The following TRIM72 variants were observed in gnomAD, a reference collection of about 807,000 sequenced individuals.
The protein encoded by TRIM72 is tripartite motif-containing protein 72.
In TRIM72, 33 loss-of-function variants were observed where a neutral mutation model predicts 31.6. The ratio of observed to expected loss-of-function variants is 1.04; its 90% confidence interval spans 0.79 to 1.40. The LOEUF (loss-of-function observed/expected upper bound fraction) is 1.40. Among genes scored for constraint, TRIM72 ranks in the 40% most tolerant of loss-of-function variants. The pLI is 0.00. For synonymous variants in TRIM72, 301 were observed against 314.4 expected, an observed-to-expected ratio of 0.96 and a Z score of 0.45; for missense variants, 666 against 682.7, an observed-to-expected ratio of 0.98 and a Z score of 0.27.
chr16:31,214,874 G>C lies in TRIM72; in HGVS notation c.136G>C (p.Ala46Pro). ...ACLGRVAGEPAADGTVLCPCC... is the reference protein window; with the variant it reads ...ACLGRVAGEPPADGTVLCPCC... The stretch of plus-strand genomic sequence containing the variant: ...CCTAGGCCGCGTGGCCGGGGAGCCG[G>C]CGGCGGATGGCACCGTTCTCTGCCC... The change falls in exon 2 of 7, where the codon GCG becomes CCG. Residue 46 changes from alanine to proline, a missense_variant. Physicochemically the swap from Ala to Pro is conservative, Grantham distance 27. Transcript: ENST00000322122. 1 of 1,529,734 alleles carries C rather than the reference G, an allele frequency of 6.5e-7. No homozygotes were observed. Among genetic ancestry groups the C allele is most frequent in the South Asian group, 1.2e-5 (1 of 83,946 alleles). The allele number at this position is 1,529,734 out of a possible 1,614,324, so 94.8% of individuals were successfully genotyped here.
intron 6 of TRIM72, 109 bp from the exon 7 acceptor site, chr16:31,224,072 G>GCAGAGATGCC: frequency 7.7e-7 from 1 of 1,303,106 alleles, no homozygotes; most frequent in East Asian, 2.6e-5. Context: ...AGCCCAGTGA[G>GCAGAGATGCC]CAGAGATGCC....
At position 31,231,335 on chromosome 16, in the gene TRIM72, T is replaced by C. The variant is rs528121088; in HGVS notation, c.*6580T>C. 1 of 152,062 alleles carries C rather than the reference T, an allele frequency of 6.6e-6. No individual in the cohort carries two copies. 9.4% of individuals were successfully genotyped at this position (152,062 alleles called of 1,614,324 possible). A position where few individuals can be genotyped will look rare whatever the true frequency, so the allele number is the denominator to read the frequency against. On this transcript the variant is annotated 3_prime_UTR_variant, in exon 7 of 7. Coordinates refer to ENST00000322122, the MANE Select transcript of TRIM72 (RefSeq NM_001008274.4). ...CACCGCGTCCGGCTTAGGTTGCCTCTTATACTGGGTTCACGCATCCCCTGG... is the reference window on the plus strand; with the variant it reads ...CACCGCGTCCGGCTTAGGTTGCCTCCTATACTGGGTTCACGCATCCCCTGG...
intron 6 of TRIM72, among the ~76,000 whole-genome samples, chr16:31,223,379 T>C (rs1377627392): frequency 6.6e-6 from 1 of 152,116 alleles, no homozygotes. Flanking sequence ...AAGGGCTCAG[T>C]TCCTCCCCCC....
chr16:31,218,530 A>C (rs184147628), intron 2 of TRIM72, among the ~76,000 whole-genome samples: 351 of 152,044 alleles, frequency 2.3e-3, no homozygotes, highest in African/African-American at 8.0e-3. Flanking sequence ...AAAATACCAA[A>C]ATTAGCCAGG....
At position 31,224,603 on chromosome 16, in the gene TRIM72, G is replaced by T; in HGVS notation, c.1282G>T (p.Asp428Tyr). The T allele has an allele frequency of 6.4e-7, 1 of 1,554,712 alleles. No individual in the cohort carries two copies. The highest frequency in any genetic ancestry group is 8.7e-7 in the Non-Finnish European group (1 of 1,155,838). ...SFGDGVLSFY[D>Y]ASDADALVPL... ...CGGCGACGGCGTCCTCTCCTTCTAC[G>T]ATGCCAGCGACGCCGACGCGCTCGT... Residue 428 changes from aspartate (D) to tyrosine (Y), a missense_variant, in exon 7 of 7, where the codon GAT becomes TAT. Asp to Tyr is a radical substitution (Grantham distance 160). Coordinates refer to ENST00000322122, the MANE Select transcript of TRIM72 (RefSeq NM_001008274.4).
At position 31,224,955 on chromosome 16, in the gene TRIM72, C is replaced by T. The variant is rs1398244216; in HGVS notation, c.*200C>T. On this transcript the variant is annotated 3_prime_UTR_variant, in exon 7 of 7. Transcript: ENST00000322122. ...CCTGTAATCCCAGCACTTTGGGAGA[C>T]GGAGGCGGGTGGATCACCTGAGGTC... The T allele has an allele frequency of 8.3e-6, 4 of 480,578 alleles. No homozygotes were observed. Among genetic ancestry groups the T allele is most frequent in the East Asian group, 3.6e-5 (1 of 27,496 alleles). 29.8% of individuals were successfully genotyped at this position (480,578 alleles called of 1,614,324 possible).
rs1451513225 is a variant in TRIM72 at position 31,220,262 on chromosome 16, T to C, written c.718-634T>C. Among the ~76,000 whole-genome samples, 7 of 150,310 alleles carry C rather than the reference T, an allele frequency of 4.7e-5. No individual in the cohort carries two copies. The East Asian group carries it at 1.4e-3, about 30-fold the overall frequency. On this transcript the variant is annotated intron_variant, in intron 4 of 6. Coordinates refer to ENST00000322122, the MANE Select transcript of TRIM72 (RefSeq NM_001008274.4). ...TTATGTTGCCCAGACTGGTCTCAAA[T>C]GCCTGGGCTCAAACAATCTGCCTGC...
At position 31,228,408 on chromosome 16, in the gene TRIM72, A is replaced by G. The variant is rs1251445422; in HGVS notation, c.*3653A>G. 6.6e-6 allele frequency: 1 copy of G among 152,220 alleles called. No homozygotes were observed. The highest frequency in any genetic ancestry group is 1.9e-4 in the East Asian group (1 of 5,202). 9.4% of individuals were successfully genotyped at this position (152,220 alleles called of 1,614,324 possible). A position where few individuals can be genotyped will look rare whatever the true frequency, so the allele number is the denominator to read the frequency against. ...GAACTCTCTGTCATTGCTCAGGCTAAGGACTGGCCACAGTGAGGGAGGGAC... is the reference window on the plus strand; with the variant it reads ...GAACTCTCTGTCATTGCTCAGGCTAGGGACTGGCCACAGTGAGGGAGGGAC... On this transcript the variant is annotated 3_prime_UTR_variant, in exon 7 of 7. Coordinates refer to ENST00000322122, the MANE Select transcript of TRIM72 (RefSeq NM_001008274.4).
At chr16:31,214,374 TG>T (rs532509749) in intron 1 of TRIM72, 77 bp downstream of exon 1, 7 of 196,632 alleles carry the variant, frequency 3.6e-5, no homozygotes, top group Non-Finnish European at 6.1e-5. Flanking sequence ...AGTCTCGGAG[TG>T]GGGGCTCTGG....
intron 6 of TRIM72, 40 bp downstream of exon 6, chr16:31,222,985 C>T: frequency 6.6e-7 from 1 of 1,519,624 alleles, no homozygotes; most frequent in Non-Finnish European, 9.0e-7. Context: ...TGTGACCAGG[C>T]AGTTGATGGG....
Position 31,215,259 on chromosome 16 carries a change from G to C in TRIM72, c.390+131G>C. On this transcript the variant is annotated intron_variant, in intron 2 of 6. Transcript: ENST00000322122. The surrounding 1 kb of genome is among the most constrained non-coding windows in gnomAD (Gnocchi z 6.3). Reference sequence around the variant, plus strand: ...GAGCTCCTGGAGTTGCGGGGGGCGGGGGCGGGGCGAAGCAGCCAGGAAAGA... The same window carrying C: ...GAGCTCCTGGAGTTGCGGGGGGCGGCGGCGGGGCGAAGCAGCCAGGAAAGA... 7.7e-7 allele frequency: 1 copy of C among 1,303,158 alleles called. No homozygotes were observed. The highest frequency in any genetic ancestry group is 2.8e-4 in the Middle Eastern group (1 of 3,548). The allele number at this position is 1,303,158 out of a possible 1,614,324, so 80.7% of individuals were successfully genotyped here. A position where few individuals can be genotyped will look rare whatever the true frequency, so the allele number is the denominator to read the frequency against.
At chr16:31,214,703 T>G (rs569400515) in intron 1 of TRIM72, 29 bp from the exon 2 acceptor site, 8 of 1,510,322 alleles carry the variant, frequency 5.3e-6, no homozygotes, top group Non-Finnish European at 7.0e-6. Flanking sequence ...CGCCGCGGGG[T>G]CCCCCTAACC....
intron 4 of TRIM72, among the ~76,000 whole-genome samples, chr16:31,220,432 C>A (rs954830531): frequency 7.5e-6 from 1 of 134,218 alleles, no homozygotes; most frequent in Non-Finnish European, 1.6e-5. Context: ...GTAGGGGTGG[C>A]CTTGAGTTCT....
At chr16:31,220,062 C>T (rs553892397) in intron 4 of TRIM72, among the ~76,000 whole-genome samples, 18 of 138,996 alleles carry the variant, frequency 1.3e-4, no homozygotes, top group African/African-American at 4.6e-4. Flanking sequence ...CGCGCCTGGT[C>T]TTTTTTTTAA....
intron 5 of TRIM72, among the ~76,000 whole-genome samples, chr16:31,221,430 G>T: frequency 6.8e-6 from 1 of 147,110 alleles, no homozygotes; most frequent in Non-Finnish European, 1.5e-5. Context: ...GAAGGGCATT[G>T]CTGGGAGAAG....
In TRIM72 at chr16:31,224,447, C is replaced by T; in HGVS notation, c.1126C>T (p.Pro376Ser). The T allele has an allele frequency of 6.9e-7, 1 of 1,441,016 alleles. No individual in the cohort carries two copies. The allele number at this position is 1,441,016 out of a possible 1,614,324, so 89.3% of individuals were successfully genotyped here. A position where few individuals can be genotyped will look rare whatever the true frequency, so the allele number is the denominator to read the frequency against. ...CCGCCGCGGGCGCCTGCACGCGGTG[C>T]CCTCGCAGGGCCTGTGGCTGCTGGG... ...APRRGRLHAV[P>S]SQGLWLLGLR... Residue 376 changes from proline (P) to serine (S), a missense_variant, in exon 7 of 7, where the codon CCC becomes TCC. Pro to Ser is a moderately conservative substitution (Grantham distance 74). Transcript: ENST00000322122.
At position 31,227,070 on chromosome 16, in the gene TRIM72, A is replaced by C. The variant is rs1178324473; in HGVS notation, c.*2315A>C. On this transcript the variant is annotated 3_prime_UTR_variant, in exon 7 of 7. Coordinates refer to ENST00000322122, the MANE Select transcript of TRIM72 (RefSeq NM_001008274.4). ...AGACAGAAGAGAGGATTAACGGTAG[A>C]AGCTCTTTCATGTTAGAAAATAAAA... is the stretch of plus-strand genomic sequence containing the variant. 6.6e-6 allele frequency: 1 copy of C among 152,222 alleles called. No individual in the cohort carries two copies. Among genetic ancestry groups the C allele is most frequent in the Non-Finnish European group, 1.5e-5 (1 of 68,042 alleles). The allele number at this position is 152,222 out of a possible 1,614,324, so 9.4% of individuals were successfully genotyped here. A position where few individuals can be genotyped will look rare whatever the true frequency, so the allele number is the denominator to read the frequency against.
intron 4 of TRIM72, 66 bp from the exon 5 acceptor site, chr16:31,220,830 A>G: frequency 3.1e-6 from 5 of 1,603,302 alleles, no homozygotes; most frequent in South Asian, 2.2e-5. Flanking sequence ...TGTCTACCCC[A>G]TCCTCAAAAG....
chr16:31,217,821 G>A (rs1299071048), intron 2 of TRIM72, among the ~76,000 whole-genome samples: 1 of 152,048 alleles, frequency 6.6e-6, no homozygotes, highest in Non-Finnish European at 1.5e-5. Context: ...CACTATCTTG[G>A]TCTGGCTGGC....
Sources: allele counts gnomAD v4.1 joint callset (sites outside exome capture counted in the v4.1 genomes callset), GRCh38; gene constraint gnomAD v4.1.1; non-coding constraint Gnocchi (gnomAD v3.1); transcripts MANE v1.5; gene names NCBI Gene and HGNC (gene_info 2026-07-23, HGNC 2026-07-21).